Variants in NEDD4L observed in about 807,000 individuals in gnomAD.
The protein encoded by NEDD4L is NEDD4 like E3 ubiquitin protein ligase.
Under a neutral mutation model 148.9 loss-of-function variants are expected in NEDD4L, and 54 were observed. That is an observed-to-expected ratio of 0.36 (90% CI 0.29 to 0.45). The LOEUF is 0.45. Ranked by LOEUF, NEDD4L falls within the 20% of genes least tolerant of loss-of-function variation. NEDD4L has a pLI of 1.00. For missense variants in NEDD4L, 856 were observed against 1,233.8 expected, an observed-to-expected ratio of 0.69 and a Z score of 4.59; for synonymous variants, 433 against 440.7, an observed-to-expected ratio of 0.98 and a Z score of 0.22.
At chr18:58,291,405 G>A (rs1239683213) in intron 5 of NEDD4L, among the ~76,000 whole-genome samples, 1 of 152,240 alleles carries the variant, frequency 6.6e-6, no homozygotes, top group African/African-American at 2.4e-5. Context: ...GGAGAGAGAA[G>A]TGAAAATTGG....
At chr18:58,155,901 G>T (rs969978774) in intron 1 of NEDD4L, among the ~76,000 whole-genome samples, 4 of 152,168 alleles carry the variant, frequency 2.6e-5, no homozygotes, top group East Asian at 1.9e-4. Flanking sequence ...CTGTCCTGTG[G>T]TTGAAGCCTG....
At chr18:58,267,319 G>A (rs36080658) in intron 5 of NEDD4L, among the ~76,000 whole-genome samples, 34,051 of 151,766 alleles carry the variant, frequency 0.22, 4,428 homozygotes, top group African/African-American at 0.32. Flanking sequence ...CATATTTTAA[G>A]ATCATGTACT....
chr18:58,337,980 T>C (rs1033996236), intron 13 of NEDD4L, among the ~76,000 whole-genome samples: 3 of 152,212 alleles, frequency 2.0e-5, no homozygotes, highest in Admixed American at 6.5e-5. Context: ...CTTTGTTGTA[T>C]ATATTCTAAA....
At chr18:58,064,082 A>G (rs1324427965) in intron 1 of NEDD4L, among the ~76,000 whole-genome samples, 3 of 150,074 alleles carry the variant, frequency 2.0e-5, no homozygotes, top group African/African-American at 7.4e-5. Context: ...CTCCTGCCTC[A>G]GCCTCTCAAG....
chr18:58,269,621 G>A (rs747796886), intron 5 of NEDD4L, among the ~76,000 whole-genome samples: 1 of 152,074 alleles, frequency 6.6e-6, no homozygotes, highest in Non-Finnish European at 1.5e-5. Context: ...GTATTGCTTG[G>A]GAGAGGAGGG....
intron 15 of NEDD4L, among the ~76,000 whole-genome samples, 173 bp from the exon 16 acceptor site, chr18:58,342,733 G>A (rs2042592380): frequency 2.0e-5 from 3 of 152,224 alleles, no homozygotes; most frequent in African/African-American, 7.2e-5. Flanking sequence ...TTATCCAACA[G>A]AGAAAATGTA....
At chr18:58,252,099 AC>A (rs1273174962) in intron 5 of NEDD4L, 45 bp downstream of exon 5, 1 of 1,270,848 alleles carries the variant, frequency 7.9e-7, no homozygotes, top group East Asian at 2.3e-5. Flanking sequence ...TTTTTTATTA[AC>A]TGGATTTTCA....
At chr18:58,086,533 T>C (rs551616265) in intron 1 of NEDD4L, among the ~76,000 whole-genome samples, 4 of 152,306 alleles carry the variant, frequency 2.6e-5, no homozygotes, top group South Asian at 4.1e-4. Flanking sequence ...TCCAAAAATA[T>C]TAGGGAAAAA....
At chr18:58,255,078 G>A (rs2048350210) in intron 5 of NEDD4L, among the ~76,000 whole-genome samples, 2 of 152,290 alleles carry the variant, frequency 1.3e-5, no homozygotes, top group African/African-American at 4.8e-5. Flanking sequence ...CGGAAGGTGG[G>A]AAAATACCGT....
rs562899354 is a variant in NEDD4L at position 58,341,174 on chromosome 18, G to A, written c.1257+5G>A. ...TGGACTCGACCTATCATGCAGGTAC[G>A]AAGATTGCCATCCAACTTAAAACCG... On this transcript the variant is annotated splice_donor_5th_base_variant and intron_variant, in intron 14 of 30. Transcript: ENST00000400345. 97 of 1,611,762 alleles carry A rather than the reference G, an allele frequency of 6.0e-5. No individual in the cohort carries two copies. In the East Asian group the frequency reaches 1.5e-3, roughly 25 times the overall value.
At chr18:58,347,187 G>A (rs1056159032) in intron 16 of NEDD4L, among the ~76,000 whole-genome samples, 6 of 133,360 alleles carry the variant, frequency 4.5e-5, no homozygotes, top group African/African-American at 1.5e-4. Flanking sequence ...TCTAATTTCA[G>A]CTTCTTTTCA....
chr18:58,104,097 ATTGTG>A (rs2084928484), intron 1 of NEDD4L, among the ~76,000 whole-genome samples: 2 of 152,238 alleles, frequency 1.3e-5, no homozygotes, highest in Non-Finnish European at 1.5e-5. Context: ...TAAAAAACAG[ATTGTG>A]ATATATCCAC....
In NEDD4L at chr18:58,126,924, G is replaced by A. The variant is rs549008886; in HGVS notation, c.49-38864G>A. Among the ~76,000 whole-genome samples the A allele has an allele frequency of 5.9e-5, 9 of 152,348 alleles. No individual in the cohort carries two copies. In the South Asian group the frequency reaches 1.4e-3, roughly 25 times the overall value. On this transcript the variant is annotated intron_variant, in intron 1 of 30. Coordinates refer to ENST00000400345, the MANE Select transcript of NEDD4L (RefSeq NM_001144967.3). ...CCCAGCACCCAGGGGTGAGGTGCCT[G>A]CCTGGGCAGCCCTGTCCTCACCTGG...
intron 5 of NEDD4L, among the ~76,000 whole-genome samples, chr18:58,278,475 A>G (rs1310408337): frequency 6.6e-6 from 1 of 152,206 alleles, no homozygotes; most frequent in African/African-American, 2.4e-5. Context: ...GTCCCACATT[A>G]TAGCTCAAAA....
intron 5 of NEDD4L, among the ~76,000 whole-genome samples, chr18:58,268,111 A>AC (rs2050486623): frequency 1.3e-5 from 2 of 151,712 alleles, no homozygotes; most frequent in Admixed American, 1.3e-4. Context: ...GATTACCCCA[A>AC]CCCCCCAATG....
At chr18:58,373,355 C>T (rs1352838412) in intron 24 of NEDD4L, 86 bp downstream of exon 24, 4 of 752,320 alleles carry the variant, frequency 5.3e-6, no homozygotes, top group Admixed American at 4.2e-5. Context: ...CTTTGCTGGA[C>T]CATCAGAAAC....
chr18:58,119,249 G>A (rs1174627311), intron 1 of NEDD4L, among the ~76,000 whole-genome samples: 1 of 152,138 alleles, frequency 6.6e-6, no homozygotes, highest in Non-Finnish European at 1.5e-5. Context: ...GTGGAAGCCT[G>A]GGAGGGCTTT....
In NEDD4L at chr18:58,330,793, C is replaced by T; in HGVS notation, c.869C>T (p.Ala290Val). The change falls in exon 11 of 31, where the codon GCT (alanine) becomes GTT (valine). Residue 290 changes from alanine (A) to valine (V), a missense_variant. Ala to Val is a moderately conservative substitution (Grantham distance 64). Coordinates refer to ENST00000400345, the MANE Select transcript of NEDD4L (RefSeq NM_001144967.3). Reference protein sequence around the residue: ...VNIAGDSLGLALPPPPASPGS... With the variant: ...VNIAGDSLGLVLPPPPASPGS... Reference sequence around the variant, plus strand: ...ATCGCTGGAGACTCTCTCGGTCTGGCTCTGCCCCCACCACCGGCCTCCCCA... The same window carrying T: ...ATCGCTGGAGACTCTCTCGGTCTGGTTCTGCCCCCACCACCGGCCTCCCCA... 1 of 1,613,628 alleles carries T rather than the reference C, an allele frequency of 6.2e-7. No homozygotes were observed.
intron 2 of NEDD4L, among the ~76,000 whole-genome samples, chr18:58,168,828 C>G (rs1313047403): frequency 1.3e-5 from 2 of 152,156 alleles, no homozygotes; most frequent in Non-Finnish European, 2.9e-5. Context: ...TTTTTAAAAT[C>G]AGGGATTTGC....
Sources: allele counts gnomAD v4.1 joint callset (sites outside exome capture counted in the v4.1 genomes callset), GRCh38; gene constraint gnomAD v4.1.1; transcripts MANE v1.5; gene names NCBI Gene and HGNC (gene_info 2026-07-23, HGNC 2026-07-21).